The following RAI14 variants were observed in gnomAD, a reference collection of about 807,000 sequenced individuals.
The protein encoded by RAI14 is ankycorbin.
In RAI14, 45 loss-of-function variants were observed where a neutral mutation model predicts 115.4. The ratio of observed to expected loss-of-function variants is 0.39; its 90% CI spans 0.31 to 0.50. RAI14 has a LOEUF of 0.50. RAI14 is among the 20% of genes least tolerant of loss of function. The pLI is 0.85. For synonymous variants in RAI14, 371 were observed against 415.4 expected (o/e 0.89, Z 1.30); for missense variants, 939 against 1,131.2 (o/e 0.83, Z 2.44).
At chr5:34,666,599 G>A (rs1051528066) in intron 1 of RAI14, among the ~76,000 whole-genome samples, 7 of 152,170 alleles carry the variant, frequency 4.6e-5, no homozygotes, top group Non-Finnish European at 8.8e-5. Flanking sequence ...CACGTCAGCT[G>A]TACTCAGAAC....
In RAI14 at chr5:34,750,848, A is replaced by ATTTTTTTTTT. The variant is rs869028180; in HGVS notation, c.37-6608_37-6599dup. On this transcript the variant is annotated intron_variant, in intron 2 of 17. Coordinates refer to ENST00000265109, the MANE Select transcript of RAI14 (RefSeq NM_015577.3). ...GACCTTATCCTTACTTTGCTTTATCATTTTTTTTTTTTTTTTTTTTTGAGG... is the reference window on the plus strand; with the variant it reads ...GACCTTATCCTTACTTTGCTTTATCATTTTTTTTTTTTTTTTTTTTTTTTTTTTTTTGAGG... 6.7e-3 allele frequency among the ~76,000 whole-genome samples: 559 copies of ATTTTTTTTTT among 83,560 alleles called. 37 individuals carry two copies. The highest frequency in any genetic ancestry group is 9.2e-3 in the African/African-American group (172 of 18,662). The allele number at this position is 83,560 out of a possible 152,430, so 54.8% of individuals were successfully genotyped here.
At chr5:34,735,222 C>T (rs555757932) in intron 2 of RAI14, among the ~76,000 whole-genome samples, 99 of 152,234 alleles carry the variant, frequency 6.5e-4, no homozygotes, top group African/African-American at 2.3e-3. Flanking sequence ...CAGGGTAATT[C>T]TTGAGTGATA....
chr5:34,797,576 G>C (rs777474351), intron 4 of RAI14, among the ~76,000 whole-genome samples: 2 of 152,182 alleles, frequency 1.3e-5, no homozygotes, highest in Admixed American at 6.5e-5. Flanking sequence ...TTTCTGAGCA[G>C]TTCCACAGAA....
At chr5:34,747,983 G>C (rs75245176) in intron 2 of RAI14, among the ~76,000 whole-genome samples, 1,697 of 152,334 alleles carry the variant, frequency 0.011, 24 homozygotes, top group African/African-American at 0.038. Context: ...AAGAGAGCAT[G>C]GGGGACCCCA....
At chr5:34,805,028 A>G (rs1391290040) in intron 5 of RAI14, among the ~76,000 whole-genome samples, 1 of 152,228 alleles carries the variant, frequency 6.6e-6, no homozygotes, top group Non-Finnish European at 1.5e-5. Flanking sequence ...ATGTAATCTT[A>G]TATCTGGTTA....
At chr5:34,770,993 A>G (rs192999251) in intron 3 of RAI14, among the ~76,000 whole-genome samples, 35 of 152,226 alleles carry the variant, frequency 2.3e-4, no homozygotes, top group African/African-American at 7.7e-4. Flanking sequence ...CTCTCAAGGG[A>G]TTGTGGGAAA....
chr5:34,830,633 A>C, intron 17 of RAI14, 55 bp from the exon 18 acceptor site: 1 of 1,610,844 alleles, frequency 6.2e-7, no homozygotes, highest in Non-Finnish European at 8.5e-7. Flanking sequence ...CCAGAGAAGA[A>C]AGTGCCATGG....
intron 3 of RAI14, among the ~76,000 whole-genome samples, chr5:34,763,882 G>C (rs1300710246): frequency 5.3e-5 from 8 of 152,136 alleles, no homozygotes; most frequent in Non-Finnish European, 1.0e-4. Context: ...TTTTTGAGAC[G>C]GAGTCTTGCT....
At chr5:34,747,010 G>A (rs967372740) in intron 2 of RAI14, among the ~76,000 whole-genome samples, 212 of 152,198 alleles carry the variant, frequency 1.4e-3, no homozygotes, top group Non-Finnish European at 2.2e-3. Flanking sequence ...AGTGCCTTTT[G>A]CCTCCTGCCA....
intron 4 of RAI14, among the ~76,000 whole-genome samples, chr5:34,800,691 T>G (rs1480717852): frequency 4.6e-5 from 7 of 152,218 alleles, no homozygotes; most frequent in Non-Finnish European, 1.0e-4. Flanking sequence ...AATTTTTGCT[T>G]CTATAGAAAC....
intron 16 of RAI14, among the ~76,000 whole-genome samples, chr5:34,829,438 T>G (rs1757801301): frequency 6.6e-6 from 1 of 152,170 alleles, no homozygotes; most frequent in South Asian, 2.1e-4. Context: ...TCCACCCACC[T>G]CAGCCGCCCA....
intron 1 of RAI14, among the ~76,000 whole-genome samples, chr5:34,678,843 T>A (rs1009999137): frequency 6.6e-6 from 1 of 152,200 alleles, no homozygotes; most frequent in Admixed American, 6.5e-5. Flanking sequence ...CACCAGGGAA[T>A]CCGCTTCCCT....
chr5:34,726,314 G>T (rs954109044), intron 2 of RAI14, among the ~76,000 whole-genome samples: 2 of 152,188 alleles, frequency 1.3e-5, no homozygotes, highest in African/African-American at 2.4e-5. Flanking sequence ...TGTACTGGAG[G>T]CATGCCTGGG....
chr5:34,816,742 A>G (rs534404378), intron 12 of RAI14, among the ~76,000 whole-genome samples: 1 of 152,268 alleles, frequency 6.6e-6, no homozygotes, highest in African/African-American at 2.4e-5. Flanking sequence ...AGACTTTACT[A>G]ATAAACTCTT....
At chr5:34,734,703 G>A (rs901300614) in intron 2 of RAI14, among the ~76,000 whole-genome samples, 4 of 150,754 alleles carry the variant, frequency 2.7e-5, no homozygotes, top group African/African-American at 4.9e-5. Flanking sequence ...GCTCTGTTGC[G>A]TAGGCTGGAG....
rs116395196 is a variant in RAI14, at chr5:34,798,401, A to C, written c.256+2374A>C. Among the ~76,000 whole-genome samples the C allele has an allele frequency of 4.4e-3, 667 of 151,844 alleles. 7 individuals carry two copies. The highest frequency in any genetic ancestry group is 0.014 in the African/African-American group (595 of 41,398). ...GTAGAAAAGTTGAGAAATATAGTAA[A>C]CTATAAAGAAGAAGATAACTCAAGT... On this transcript the variant is annotated intron_variant, in intron 4 of 17. Coordinates refer to ENST00000265109, the MANE Select transcript of RAI14 (RefSeq NM_015577.3).
chr5:34,687,729 C>T lies in RAI14; in HGVS notation c.36+774C>T, dbSNP rs764899428. ...GAATTAGATGGAAGCCAAGGTATGT[C>T]ACTCTCAAAATGGGCTTGTTCAGCT... On this transcript the variant is annotated intron_variant, in intron 2 of 17. Coordinates refer to ENST00000265109, the MANE Select transcript of RAI14 (RefSeq NM_015577.3). The T allele has an allele frequency of 5.8e-6, 9 of 1,551,182 alleles. No individual in the cohort carries two copies. The East Asian group carries it at 1.7e-4, about 29-fold the overall frequency.
chr5:34,725,368 A>G (rs1743311525), intron 2 of RAI14, among the ~76,000 whole-genome samples: 1 of 152,132 alleles, frequency 6.6e-6, no homozygotes, highest in African/African-American at 2.4e-5. Flanking sequence ...TTGAATTTTC[A>G]TTCTATCTTT....
At chr5:34,767,545 C>T (rs994518971) in intron 3 of RAI14, among the ~76,000 whole-genome samples, 1 of 152,022 alleles carries the variant, frequency 6.6e-6, no homozygotes, top group Admixed American at 6.6e-5. Context: ...TCTGCTTTCC[C>T]TGCTCAGTTC....
Sources: allele counts gnomAD v4.1 joint callset (sites outside exome capture counted in the v4.1 genomes callset), GRCh38; gene constraint gnomAD v4.1.1; transcripts MANE v1.5; gene names NCBI Gene and HGNC (gene_info 2026-07-23, HGNC 2026-07-21).